Variants in CYRIB observed in about 807,000 individuals in gnomAD.
CYRIB encodes CYFIP-related Rac1 interactor B.
In CYRIB, 8 loss-of-function variants were observed where a neutral mutation model predicts 44.2. The observed-to-expected ratio is 0.18, with a 90% CI of 0.11 to 0.33. CYRIB has a LOEUF of 0.33. Ranked by LOEUF, CYRIB falls within the 10% of genes least tolerant of loss-of-function variation. The pLI, the probability that CYRIB is intolerant of heterozygous loss-of-function variation, is 1.00. For synonymous variants in CYRIB, 131 were observed against 127.2 expected (o/e 1.03, Z -0.20); for missense variants, 185 against 382.8 (o/e 0.48, Z 4.31).
exon 9 of CYRIB, chr8:129,850,860 C>T (rs2042913693): frequency 1.2e-6 from 2 of 1,613,058 alleles, no homozygotes; most frequent in Non-Finnish European, 1.7e-6. Flanking sequence ...ACTCTGCATA[C>T]ACTAGCCATT....
At chr8:130,003,521 G>T (rs2096957412) in intron 1 of CYRIB, among the ~76,000 whole-genome samples, 1 of 152,180 alleles carries the variant, frequency 6.6e-6, no homozygotes, top group Admixed American at 6.5e-5. Context: ...GAACATTCTG[G>T]TCTCTGCACA....
At chr8:129,851,016 AC>A in intron 8 of CYRIB, 102 bp from the exon 11 acceptor site, 1 of 729,986 alleles carries the variant, frequency 1.4e-6, no homozygotes, top group Admixed American at 2.5e-5. Context: ...CAACTTTAAA[AC>A]CTGGTTCCTA....
intron 10 of CYRIB, among the ~76,000 whole-genome samples, chr8:129,848,004 C>T (rs1329139888): frequency 6.6e-6 from 1 of 152,088 alleles, no homozygotes; most frequent in Non-Finnish European, 1.5e-5. Flanking sequence ...TGAGGTTTCA[C>T]CATGTTGGCC....
intron 1 of CYRIB, among the ~76,000 whole-genome samples, chr8:130,003,930 A>C (rs1203775645): frequency 2.6e-5 from 4 of 152,252 alleles, no homozygotes; most frequent in Non-Finnish European, 5.9e-5. Context: ...CTTCAACTGC[A>C]GATTTGAGAC....
intron 3 of CYRIB, among the ~76,000 whole-genome samples, chr8:129,873,013 C>A (rs1268297091): frequency 6.6e-6 from 1 of 151,824 alleles, no homozygotes; most frequent in East Asian, 1.9e-4. Context: ...AATAAACCTG[C>A]CAAATAGTCA....
chr8:129,994,043 C>G (rs1287780100), intron 1 of CYRIB, among the ~76,000 whole-genome samples: 2 of 152,130 alleles, frequency 1.3e-5, no homozygotes, highest in African/African-American at 2.4e-5. Flanking sequence ...AATTCATACA[C>G]TGAAGTCTTG....
chr8:130,012,980 T>C (rs768483615), intron 1 of CYRIB, among the ~76,000 whole-genome samples: 6 of 152,178 alleles, frequency 3.9e-5, no homozygotes, highest in African/African-American at 9.7e-5. Context: ...CTTTATCAAG[T>C]ATCCCCTTTA....
chr8:129,916,795 C>G (rs2081008915), intron 1 of CYRIB, among the ~76,000 whole-genome samples: 1 of 152,134 alleles, frequency 6.6e-6, no homozygotes, highest in Admixed American at 6.6e-5. Flanking sequence ...TTTCTCAAGT[C>G]TTTTGTACCC....
intron 1 of CYRIB, among the ~76,000 whole-genome samples, chr8:129,992,595 C>T (rs1344606922): frequency 1.3e-5 from 2 of 152,220 alleles, no homozygotes; most frequent in Non-Finnish European, 2.9e-5. Flanking sequence ...CCTAAAATCC[C>T]TAATCTCCAA....
chr8:129,878,005 A>G lies in CYRIB; in HGVS notation c.73+1384T>C, dbSNP rs556211256. Among the ~76,000 whole-genome samples, 33 of 152,342 alleles carry G rather than the reference A, an allele frequency of 2.2e-4. 1 individual carries two copies. Among genetic ancestry groups the G allele is most frequent in the African/African-American group, 7.5e-4 (31 of 41,588 alleles). On this transcript the variant is annotated intron_variant, in intron 3 of 11. Transcript: ENST00000519824. ...TGCCTCATCTGAAAGAATATCTTCA[A>G]GTCAGCAATCTGCTCGACATCCTCA...
At chr8:129,918,491 C>A (rs539411223) in intron 1 of CYRIB, among the ~76,000 whole-genome samples, 15 of 152,316 alleles carry the variant, frequency 9.8e-5, no homozygotes, top group Middle Eastern at 3.4e-3. Flanking sequence ...GTAACGAATT[C>A]ATAATAATTC....
At chr8:129,977,708 A>G (rs948182818) in intron 1 of CYRIB, among the ~76,000 whole-genome samples, 2 of 151,654 alleles carry the variant, frequency 1.3e-5, no homozygotes, top group Admixed American at 6.6e-5. Flanking sequence ...ATTTTTTTGT[A>G]TTTTTAGTAG....
At chr8:129,949,427 A>G (rs142107441) in intron 2 of CYRIB, 10 of 152,350 alleles carry the variant, frequency 6.6e-5, no homozygotes, top group African/African-American at 2.2e-4. Context: ...GCCATAGGTT[A>G]CATACCTACG....
intron 1 of CYRIB, among the ~76,000 whole-genome samples, chr8:129,924,892 C>G (rs775791533): frequency 2.0e-5 from 3 of 152,154 alleles, no homozygotes. Flanking sequence ...GTGGGAGGAT[C>G]ACTCAGGCCT....
intron 2 of CYRIB, among the ~76,000 whole-genome samples, chr8:129,884,096 C>T (rs2061796988): frequency 6.6e-6 from 1 of 152,092 alleles, no homozygotes; most frequent in Non-Finnish European, 1.5e-5. Flanking sequence ...AATTTCCTTC[C>T]ATTCATTCCC....
At chr8:129,882,724 C>A (rs2061239114) in intron 2 of CYRIB, among the ~76,000 whole-genome samples, 1 of 152,152 alleles carries the variant, frequency 6.6e-6, no homozygotes, top group African/African-American at 2.4e-5. Context: ...ACAGCTCGTT[C>A]TGTAAACTTC....
intron 3 of CYRIB, among the ~76,000 whole-genome samples, chr8:129,874,015 CA>C (rs2058278734): frequency 6.6e-6 from 1 of 151,666 alleles, no homozygotes; most frequent in African/African-American, 2.4e-5. Flanking sequence ...GCAAGTCATG[CA>C]AAAGGGTGAA....
intron 1 of CYRIB, among the ~76,000 whole-genome samples, chr8:129,980,574 G>A (rs2096188440): frequency 6.6e-6 from 1 of 151,394 alleles, no homozygotes; most frequent in Non-Finnish European, 1.5e-5. Context: ...TGAGGCAGGA[G>A]AATCACTTGA....
intron 1 of CYRIB, among the ~76,000 whole-genome samples, chr8:129,933,203 A>T (rs2092008545): frequency 6.6e-6 from 1 of 152,148 alleles, no homozygotes; most frequent in Non-Finnish European, 1.5e-5. Context: ...TAAAGCCTTG[A>T]TTACCAGCAC....
Sources: gnomAD v4.1 joint callset for allele counts (sites outside exome capture counted in the v4.1 genomes callset) on GRCh38, gnomAD v4.1.1 for gene constraint, MANE v1.5 for transcripts, NCBI Gene and HGNC (gene_info 2026-07-23, HGNC 2026-07-21) for gene names.